Variants in ZFPM2 observed in about 807,000 individuals in gnomAD.
ZFPM2 encodes the protein zinc finger protein ZFPM2.
Under a neutral mutation model 98.6 loss-of-function variants are expected in ZFPM2, and 20 were observed. The ratio of observed to expected loss-of-function variants is 0.20; its 90% CI spans 0.14 to 0.29. The LOEUF (loss-of-function observed/expected upper bound fraction) is 0.29, where lower values mean the gene tolerates loss of function less well. Ranked by LOEUF, ZFPM2 falls within the 10% of genes least tolerant of loss-of-function variation. The pLI is 1.00. For synonymous variants in ZFPM2, 518 were observed against 502.7 expected (o/e 1.03, Z -0.41); for missense variants, 1,310 against 1,388.6 (o/e 0.94, Z 0.90).
intron 3 of ZFPM2, among the ~76,000 whole-genome samples, chr8:105,491,440 A>G (rs1334036366): frequency 6.6e-6 from 1 of 152,186 alleles, no homozygotes; most frequent in African/African-American, 2.4e-5. Context: ...ATTAAAGCAA[A>G]CCATGGATAA....
intron 1 of ZFPM2, among the ~76,000 whole-genome samples, chr8:105,413,815 A>G (rs1018548076): frequency 3.3e-5 from 5 of 151,920 alleles, no homozygotes; most frequent in Non-Finnish European, 7.4e-5. Flanking sequence ...TGAAAATTTT[A>G]ATTTTTAATA....
intron 1 of ZFPM2, among the ~76,000 whole-genome samples, chr8:105,409,124 C>A (rs563958879): frequency 6.6e-6 from 1 of 151,782 alleles, no homozygotes; most frequent in South Asian, 2.1e-4. Context: ...GACAGAGTAC[C>A]CTTGCTCATG....
At chr8:105,389,986 C>A (rs142268402) in intron 1 of ZFPM2, among the ~76,000 whole-genome samples, 2 of 152,246 alleles carry the variant, frequency 1.3e-5, no homozygotes, top group Admixed American at 6.5e-5. Flanking sequence ...GGTTTAAGTA[C>A]GTCCCTTATA....
chr8:105,408,459 T>C (rs1239986948), intron 1 of ZFPM2, among the ~76,000 whole-genome samples: 1 of 151,764 alleles, frequency 6.6e-6, no homozygotes, highest in Admixed American at 6.6e-5. Flanking sequence ...ATTGAACATG[T>C]TGATTTTGTT....
chr8:105,789,035 G>T, intron 6 of ZFPM2, 111 bp downstream of exon 6: 10 of 819,476 alleles, frequency 1.2e-5, no homozygotes, highest in South Asian at 2.8e-5. Context: ...TCAGTGTTGT[G>T]GTTTCATTTT....
chr8:105,578,841 C>A (rs1441502330), intron 4 of ZFPM2, among the ~76,000 whole-genome samples: 1 of 152,058 alleles, frequency 6.6e-6, no homozygotes, highest in Non-Finnish European at 1.5e-5. Flanking sequence ...AATATACTAG[C>A]AAACTGATAA....
At chr8:105,655,219 G>T (rs1455757468) in intron 5 of ZFPM2, among the ~76,000 whole-genome samples, 8 of 139,368 alleles carry the variant, frequency 5.7e-5, no homozygotes, top group South Asian at 2.4e-4. Flanking sequence ...TTCTTGCATT[G>T]AGTCTTTTTT....
intron 1 of ZFPM2, among the ~76,000 whole-genome samples, chr8:105,351,097 C>T (rs1000908731): frequency 1.3e-5 from 2 of 150,322 alleles, no homozygotes; most frequent in African/African-American, 4.9e-5. Flanking sequence ...GCAGGAGAAT[C>T]GCTTGAACCT....
intron 5 of ZFPM2, among the ~76,000 whole-genome samples, chr8:105,650,955 C>T (rs1353307374): frequency 1.3e-5 from 2 of 152,108 alleles, no homozygotes; most frequent in African/African-American, 4.8e-5. Flanking sequence ...AGTTTTCTGA[C>T]CTCATTCCTT....
rs1235023750 is a variant in ZFPM2, at chr8:105,798,900, A to G, written c.916A>G (p.Ser306Gly). ...GTGCCCCTTCCCACAGTGCACCAAG[A>G]GCTTTTCAAATGCTCGAGCTCTAGA... ...SLCPFPQCTKSFSNARALEMH... is the reference protein window; with the variant it reads ...SLCPFPQCTKGFSNARALEMH... The change falls in exon 7 of 8, where the codon AGC (serine) becomes GGC (glycine). Residue 306 changes from serine to glycine, a missense_variant. Physicochemically the swap from Ser to Gly is moderately conservative, Grantham distance 56 (BLOSUM62 0). Transcript: ENST00000407775. 2 of 1,613,938 alleles carry G rather than the reference A, an allele frequency of 1.2e-6. No individual in the cohort carries two copies. Among genetic ancestry groups the G allele is most frequent in the South Asian group, 2.2e-5 (2 of 91,086 alleles).
At chr8:105,408,455 C>T (rs1309326605) in intron 1 of ZFPM2, among the ~76,000 whole-genome samples, 1 of 151,704 alleles carries the variant, frequency 6.6e-6, no homozygotes, top group Non-Finnish European at 1.5e-5. Context: ...GCGGATTGAA[C>T]ATGTTGATTT....
At chr8:105,776,090 A>G (rs1467313491) in intron 5 of ZFPM2, among the ~76,000 whole-genome samples, 2 of 141,430 alleles carry the variant, frequency 1.4e-5, no homozygotes, top group Non-Finnish European at 3.1e-5. Context: ...TCTTACAAGG[A>G]AAAAAAAAAA....
chr8:105,672,786 A>G (rs993191313), intron 5 of ZFPM2, among the ~76,000 whole-genome samples: 4 of 152,170 alleles, frequency 2.6e-5, no homozygotes, highest in African/African-American at 2.4e-5. Flanking sequence ...TTTTGACTAT[A>G]TTTGTTCAAC....
At chr8:105,555,905 G>C (rs1295620798) in intron 3 of ZFPM2, among the ~76,000 whole-genome samples, 1 of 152,162 alleles carries the variant, frequency 6.6e-6, no homozygotes, top group South Asian at 2.1e-4. Flanking sequence ...AACTGGAGAT[G>C]AGGAGGAATG....
intron 3 of ZFPM2, among the ~76,000 whole-genome samples, chr8:105,520,324 A>G (rs1285750588): frequency 1.3e-5 from 2 of 152,150 alleles, no homozygotes; most frequent in Non-Finnish European, 2.9e-5. Flanking sequence ...AACACTTAAT[A>G]TATATATTTG....
intron 5 of ZFPM2, among the ~76,000 whole-genome samples, chr8:105,771,291 T>C (rs1386547058): frequency 6.6e-6 from 1 of 152,138 alleles, no homozygotes; most frequent in Non-Finnish European, 1.5e-5. Context: ...ACTAATGATA[T>C]GGGATATAAA....
chr8:105,692,314 T>C (rs376924862), intron 5 of ZFPM2, among the ~76,000 whole-genome samples: 14 of 152,322 alleles, frequency 9.2e-5, no homozygotes, highest in South Asian at 8.3e-4. Flanking sequence ...TGTATGTGTG[T>C]TATAATGACT....
At chr8:105,573,705 G>T (rs189934201) in intron 4 of ZFPM2, among the ~76,000 whole-genome samples, 1 of 152,116 alleles carries the variant, frequency 6.6e-6, no homozygotes, top group Non-Finnish European at 1.5e-5. Flanking sequence ...CAAAAATTTG[G>T]TGGGAATTGG....
chr8:105,362,926 A>T (rs1169925336), intron 1 of ZFPM2, among the ~76,000 whole-genome samples: 1 of 152,184 alleles, frequency 6.6e-6, no homozygotes, highest in African/African-American at 2.4e-5. Flanking sequence ...ATTATTTAAC[A>T]ATATTTCCTA....
Sources: allele counts gnomAD v4.1 joint callset (sites outside exome capture counted in the v4.1 genomes callset), GRCh38; gene constraint gnomAD v4.1.1; transcripts MANE v1.5; gene names NCBI Gene and HGNC (gene_info 2026-07-23, HGNC 2026-07-21).